Variants in PDXDC1 observed in about 807,000 individuals in gnomAD.
PDXDC1 encodes pyridoxal-dependent decarboxylase domain-containing protein 1.
Under a neutral mutation model 100.1 loss-of-function variants are expected in PDXDC1, and 42 were observed. That is an observed-to-expected ratio of 0.42 (90% CI 0.33 to 0.54). The LOEUF (loss-of-function observed/expected upper bound fraction) is 0.54, where lower values mean the gene tolerates loss of function less well. Ranked by LOEUF, PDXDC1 falls within the 20% of genes least tolerant of loss-of-function variation. The pLI is 0.10. For missense variants in PDXDC1, 636 were observed against 979.2 expected (o/e 0.65, Z 4.68); for synonymous variants, 260 against 371.7 (o/e 0.70, Z 3.46).
At chr16:15,073,470 AAGAC>A (rs1458257351) in intron 16 of PDXDC1, among the ~76,000 whole-genome samples, 1 of 152,186 alleles carries the variant, frequency 6.6e-6, no homozygotes, top group Admixed American at 6.5e-5. Flanking sequence ...AAAAAAAAGA[AAGAC>A]AGACATTATC....
chr16:15,131,391 G>A (rs2048050575), intron 16 of PDXDC1: 2 of 1,599,620 alleles, frequency 1.3e-6, no homozygotes, highest in South Asian at 2.2e-5. Flanking sequence ...CCACCAGAAA[G>A]ATGAGCTGCA....
At chr16:15,094,187 G>C (rs1445388271) in intron 16 of PDXDC1, 1 of 1,601,626 alleles carries the variant, frequency 6.2e-7, no homozygotes, top group Non-Finnish European at 8.5e-7. Context: ...AGAGGACGAA[G>C]CGGCCGCATC....
At position 15,018,840 on chromosome 16, in the gene PDXDC1, A is replaced by G; in HGVS notation, c.964A>G (p.Thr322Ala). The G allele has an allele frequency of 6.2e-7, 1 of 1,613,976 alleles. No homozygotes were observed. The highest frequency in any genetic ancestry group is 8.5e-7 in the Non-Finnish European group (1 of 1,179,872). The change falls in exon 12 of 23, where the codon ACT becomes GCT. Residue 322 changes from threonine (T) to alanine (A), a missense_variant and splice_region_variant. Physicochemically the swap from Thr to Ala is moderately conservative, Grantham distance 58. This residue lies in a region of PDXDC1 where 125 missense variants were observed against 479.9 expected (regional missense o/e 0.26). Coordinates refer to ENST00000396410, the MANE Select transcript of PDXDC1 (RefSeq NM_015027.4). ...AATAAACCTCTTTTGGCTTTTTTAG[A>G]CTTTAGTTGCTGGTCTTACATCAAA... ...TLYKHDDPAL[T>A]LVAGLTSNKP... is the part of the protein sequence containing the mutation.
At chr16:15,044,676 C>G (rs1009875646) in intron 16 of PDXDC1, 7 of 518,360 alleles carry the variant, frequency 1.4e-5, no homozygotes, top group African/African-American at 1.3e-4. Flanking sequence ...CAGTGGGGAA[C>G]TTTGCTCTGG....
At chr16:15,047,472 T>C (rs2044121662) in intron 16 of PDXDC1, 1 of 1,613,096 alleles carries the variant, frequency 6.2e-7, no homozygotes, top group African/African-American at 1.3e-5. Flanking sequence ...AGAAAAGGAT[T>C]TTATGGAGTT....
At chr16:15,069,007 A>G (rs922246834) in intron 16 of PDXDC1, among the ~76,000 whole-genome samples, 3 of 152,214 alleles carry the variant, frequency 2.0e-5, no homozygotes, top group Non-Finnish European at 2.9e-5. Context: ...TAATTTATAC[A>G]AAGAAAAGCA....
In PDXDC1 at chr16:15,134,015, G is replaced by A; in HGVS notation, c.1400-4864G>A. On this transcript the variant is annotated intron_variant, in intron 16 of 16. Coordinates refer to the PDXDC1 transcript ENST00000535621. ...CCAGTCACATGCCTGCGCTGCCCGT[G>A]GATGTGGTGGTCTCATCCAGCACCA... is the stretch of plus-strand genomic sequence containing the variant. 4 of 1,465,250 alleles carry A rather than the reference G, an allele frequency of 2.7e-6. No individual in the cohort carries two copies. The South Asian group carries it at 4.7e-5, about 17-fold the overall frequency. 90.8% of individuals were successfully genotyped at this position (1,465,250 alleles called of 1,614,324 possible).
chr16:15,148,908 C>A, the PDXDC1 span, among the ~76,000 whole-genome samples: 1 of 152,170 alleles, frequency 6.6e-6, no homozygotes, highest in Non-Finnish European at 1.5e-5. Flanking sequence ...GAGCGTGTGA[C>A]TTCTTGTCCA....
intron 16 of PDXDC1, among the ~76,000 whole-genome samples, chr16:15,086,841 G>C (rs2151816094): frequency 6.6e-6 from 1 of 152,286 alleles, no homozygotes; most frequent in East Asian, 1.9e-4. Context: ...CTATATTCAA[G>C]CTGACCAGGA....
chr16:15,097,245 G>A (rs1455953601), intron 16 of PDXDC1, among the ~76,000 whole-genome samples: 1 of 151,366 alleles, frequency 6.6e-6, no homozygotes, highest in African/African-American at 2.4e-5. Context: ...TCTCTGGCCT[G>A]GGTGACAAAG....
intron 16 of PDXDC1, among the ~76,000 whole-genome samples, chr16:15,090,849 C>T (rs1228637065): frequency 6.6e-6 from 1 of 150,504 alleles, no homozygotes; most frequent in Non-Finnish European, 1.5e-5. Flanking sequence ...TATCTCGAAC[C>T]TGGAAATGCT....
chr16:15,137,315 G>C, intron 16 of PDXDC1: 1 of 1,246,462 alleles, frequency 8.0e-7, no homozygotes, highest in Admixed American at 2.0e-5. Flanking sequence ...AGGAGGCGGC[G>C]GGGGGCCGGA....
intron 16 of PDXDC1, chr16:15,048,205 T>C (rs1027237321): frequency 1.1e-5 from 8 of 712,310 alleles, no homozygotes; most frequent in East Asian, 5.3e-5. Context: ...AGCACGCTAG[T>C]GTGTGGGGAG....
At chr16:15,127,862 C>A (rs1236054579) in intron 16 of PDXDC1, 5 of 1,564,480 alleles carry the variant, frequency 3.2e-6, no homozygotes, top group Non-Finnish European at 4.3e-6. Context: ...AGCTCAGCCA[C>A]CAGCAGGCGC....
chr16:15,083,306 G>A (rs2045780015), intron 16 of PDXDC1, among the ~76,000 whole-genome samples: 1 of 152,148 alleles, frequency 6.6e-6, no homozygotes, highest in Non-Finnish European at 1.5e-5. Flanking sequence ...GGCTGAGGCA[G>A]GAGAATCGCT....
Position 15,017,319 on chromosome 16 carries a change from A to G in PDXDC1, c.862-2A>G, listed in dbSNP as rs1400670354. ...AACAAAGAGTTGTTCTTGTTTTGGT[A>G]GGCTGCAGCCAAATGTGATAGCATG... is the stretch of plus-strand genomic sequence containing the variant. On this transcript the variant is annotated splice_acceptor_variant, in intron 10 of 22. Transcript: ENST00000396410. LOFTEE classifies it high-confidence loss of function. 6.2e-7 allele frequency: 1 copy of G among 1,607,850 alleles called. No individual in the cohort carries two copies. Among genetic ancestry groups the G allele is most frequent in the African/African-American group, 1.3e-5 (1 of 74,682 alleles).
intron 16 of PDXDC1, among the ~76,000 whole-genome samples, chr16:15,053,828 T>C (rs1233899512): frequency 1.3e-5 from 2 of 152,152 alleles, no homozygotes; most frequent in Non-Finnish European, 2.9e-5. Flanking sequence ...GGAGAATCGC[T>C]TGAACCTTGG....
intron 16 of PDXDC1, chr16:15,065,453 T>C (rs1297799334): frequency 4.2e-6 from 5 of 1,190,342 alleles, no homozygotes; most frequent in Non-Finnish European, 3.6e-6. Flanking sequence ...GTGTGACAAC[T>C]GTACCTACCA....
chr16:15,137,369 G>C (rs1183286743), intron 16 of PDXDC1: 2 of 1,516,872 alleles, frequency 1.3e-6, no homozygotes, highest in African/African-American at 1.4e-5. Context: ...GGGCTGGGCC[G>C]CCCCACACAG....
Sources: gnomAD v4.1 joint callset for allele counts (sites outside exome capture counted in the v4.1 genomes callset) on GRCh38, gnomAD v4.1.1 for gene constraint, gnomAD v4.1.1 regional missense constraint, MANE v1.5 for transcripts, NCBI Gene and HGNC (gene_info 2026-07-23, HGNC 2026-07-21) for gene names.